Variants in TENM2 observed in about 807,000 individuals in gnomAD.
TENM2 encodes teneurin transmembrane protein 2, also known as teneurin-2.
In TENM2, 52 loss-of-function variants were observed where a neutral mutation model predicts 245.2. The ratio of observed to expected loss-of-function variants is 0.21; its 90% CI spans 0.17 to 0.27. The LOEUF (loss-of-function observed/expected upper bound fraction) is 0.27, where lower values mean the gene tolerates loss of function less well. Ranked by LOEUF, TENM2 falls within the 10% of genes least tolerant of loss-of-function variation. The pLI is 1.00. For synonymous variants in TENM2, 1,363 were observed against 1,438.9 expected, an observed-to-expected ratio of 0.95 and a Z score of 1.19; for missense variants, 3,046 against 3,666.8, an observed-to-expected ratio of 0.83 and a Z score of 4.37.
chr5:167,888,515 G>A (rs759477170), intron 3 of TENM2, among the ~76,000 whole-genome samples: 1 of 152,146 alleles, frequency 6.6e-6, no homozygotes, highest in Non-Finnish European at 1.5e-5. Context: ...TCACATGCTG[G>A]CTCCCTCTAT....
At chr5:168,242,636 C>T (rs1182995419) in intron 25 of TENM2, among the ~76,000 whole-genome samples, 1 of 152,128 alleles carries the variant, frequency 6.6e-6, no homozygotes, top group Non-Finnish European at 1.5e-5. Flanking sequence ...TGTATATATT[C>T]GTCCTCAGCA....
At chr5:168,021,140 A>G (rs1411009418) in intron 5 of TENM2, among the ~76,000 whole-genome samples, 6 of 152,230 alleles carry the variant, frequency 3.9e-5, no homozygotes, top group African/African-American at 1.2e-4. Flanking sequence ...AGATTTGTGC[A>G]TGACCTTGAC....
At chr5:168,086,654 C>T (rs887755716) in intron 7 of TENM2, among the ~76,000 whole-genome samples, 1 of 152,172 alleles carries the variant, frequency 6.6e-6, no homozygotes, top group African/African-American at 2.4e-5. Flanking sequence ...AAACCCCTTC[C>T]AGAGCTTCTG....
chr5:167,633,359 AT>A (rs1466019712), intron 2 of TENM2, among the ~76,000 whole-genome samples: 1 of 152,152 alleles, frequency 6.6e-6, no homozygotes, highest in Non-Finnish European at 1.5e-5. Context: ...AGAATAAATG[AT>A]TAAGGTTAGA....
rs749016436 is a variant in TENM2 at position 167,470,454 on chromosome 5, C to CTTTTTTTTTTTTTTTTTTTTTTTTT, written c.502+95003_502+95004insTTTTTTTTTTTTTTTTTTTTTTTTT. Among the ~76,000 whole-genome samples the CTTTTTTTTTTTTTTTTTTTTTTTTT allele has an allele frequency of 1.6e-3, 75 of 47,398 alleles. 14 individuals carry two copies. Among genetic ancestry groups the CTTTTTTTTTTTTTTTTTTTTTTTTT allele is most frequent in the East Asian group, 4.0e-3 (5 of 1,254 alleles). The allele number at this position is 47,398 out of a possible 152,430, so 31.1% of individuals were successfully genotyped here. On this transcript the variant is annotated intron_variant, in intron 2 of 28. Coordinates refer to ENST00000518659, the Ensembl canonical transcript of TENM2. ...TACAGAGAGGTATGGGCAATGCTTG[C>CTTTTTTTTTTTTTTTTTTTTTTTTT]TTTTTTTTTTTTTTTTTTTTTTGCT... is the stretch of plus-strand genomic sequence containing the variant.
At position 167,659,959 on chromosome 5, in the gene TENM2, G is replaced by A. The variant is rs955624002; in HGVS notation, c.503-216027G>A. The A allele has an allele frequency of 7.2e-5, 11 of 152,094 alleles. 1 individual carries two copies. The highest frequency in any genetic ancestry group is 1.2e-4 in the African/African-American group (5 of 41,416). 9.4% of individuals were successfully genotyped at this position (152,094 alleles called of 1,614,324 possible). A position where few individuals can be genotyped will look rare whatever the true frequency, so the allele number is the denominator to read the frequency against. On this transcript the variant is annotated intron_variant, in intron 2 of 28. Coordinates refer to ENST00000518659, the Ensembl canonical transcript of TENM2. ...TTTTTAAAACATCACACTCATTTCT[G>A]TAAATACACCTGAAATAAGGTAAAA...
chr5:167,734,760 G>T (rs887905177), intron 2 of TENM2, among the ~76,000 whole-genome samples: 2 of 152,060 alleles, frequency 1.3e-5, no homozygotes, highest in Non-Finnish European at 2.9e-5. Context: ...TTGACCTACC[G>T]CCCTCTTTTG....
chr5:167,988,631 A>G (rs565570558), intron 4 of TENM2, among the ~76,000 whole-genome samples: 3 of 152,318 alleles, frequency 2.0e-5, no homozygotes, highest in Admixed American at 2.0e-4. Context: ...CAATAGCAAA[A>G]GGATAATATG....
At chr5:167,569,050 G>A (rs991021959) in intron 2 of TENM2, among the ~76,000 whole-genome samples, 3 of 125,596 alleles carry the variant, frequency 2.4e-5, no homozygotes, top group Non-Finnish European at 3.2e-5. Flanking sequence ...TATGAGGACC[G>A]AAATCAATGA....
intron 2 of TENM2, among the ~76,000 whole-genome samples, chr5:167,727,392 G>A (rs1268232867): frequency 2.6e-5 from 4 of 152,152 alleles, no homozygotes; most frequent in Non-Finnish European, 5.9e-5. Context: ...GATTACAGGC[G>A]TGAGCCACCG....
chr5:166,985,352 A>G, the TENM2 span, among the ~76,000 whole-genome samples: 1 of 152,242 alleles, frequency 6.6e-6, no homozygotes. Flanking sequence ...CAAGAGGAAA[A>G]TTTATTCTGT....
intron 2 of TENM2, among the ~76,000 whole-genome samples, chr5:167,611,333 G>A (rs1192600032): frequency 6.6e-6 from 1 of 152,026 alleles, no homozygotes; most frequent in Non-Finnish European, 1.5e-5. Flanking sequence ...GGTGTGAGGT[G>A]CCCAGTGCCC....
At chr5:167,403,714 A>C (rs1274124174) in intron 2 of TENM2, among the ~76,000 whole-genome samples, 1 of 152,148 alleles carries the variant, frequency 6.6e-6, no homozygotes, top group African/African-American at 2.4e-5. Context: ...GGATTTTTAG[A>C]TCAAAAGGAT....
intron 6 of TENM2, among the ~76,000 whole-genome samples, chr5:168,055,468 G>T (rs1789457022): frequency 6.6e-6 from 1 of 152,162 alleles, no homozygotes; most frequent in Non-Finnish European, 1.5e-5. Context: ...TGGTGATGCA[G>T]TTTTCTCTGA....
intron 27 of TENM2, among the ~76,000 whole-genome samples, chr5:168,253,432 T>TA (rs1767328256): frequency 6.7e-6 from 1 of 150,156 alleles, no homozygotes; most frequent in Non-Finnish European, 1.5e-5. Flanking sequence ...TTATTTTATT[T>TA]TTTTTTTTTT....
chr5:167,283,581 G>A (rs78790747), upstream of TENM2, among the ~76,000 whole-genome samples: 2,977 of 152,240 alleles, frequency 0.02, 105 homozygotes, highest in African/African-American at 0.067. Context: ...AAGAGCAGAG[G>A]GGTTCAAAAC....
At chr5:167,265,216 C>A in the TENM2 span, among the ~76,000 whole-genome samples, 1 of 151,078 alleles carries the variant, frequency 6.6e-6, no homozygotes. Context: ...ACCTGTAGTC[C>A]CAGCTACCAG....
chr5:167,398,848 A>G (rs1166065575), intron 2 of TENM2, among the ~76,000 whole-genome samples: 1 of 152,168 alleles, frequency 6.6e-6, no homozygotes, highest in South Asian at 2.1e-4. Context: ...ATTCATGCAT[A>G]GTACCGATTA....
intron 2 of TENM2, among the ~76,000 whole-genome samples, chr5:167,865,401 G>A (rs1400229416): frequency 6.6e-6 from 1 of 152,046 alleles, no homozygotes; most frequent in Non-Finnish European, 1.5e-5. Flanking sequence ...AGCCCCCCAA[G>A]TAATTGGGAG....
Sources: allele counts gnomAD v4.1 joint callset (sites outside exome capture counted in the v4.1 genomes callset), GRCh38; gene constraint gnomAD v4.1.1; transcripts MANE v1.5; gene names NCBI Gene and HGNC (gene_info 2026-07-23, HGNC 2026-07-21).